The following CD248 variants were observed in gnomAD, a reference collection of about 807,000 sequenced individuals.
CD248 encodes CD248 molecule.
CD248 carries 7 observed loss-of-function variants against 8.0 expected under a neutral mutation model. The observed-to-expected ratio is 0.88, with a 90% CI of 0.50 to 1.64. The LOEUF is 1.64. Among genes scored for constraint, CD248 ranks in the 40% most tolerant of loss-of-function variants. CD248 has a pLI of 0.00. For missense variants in CD248, 912 were observed against 1,027.2 expected, an observed-to-expected ratio of 0.89 and a Z score of 1.53; for synonymous variants, 418 against 437.1, an observed-to-expected ratio of 0.96 and a Z score of 0.54.
At position 66,314,985 on chromosome 11, in the gene CD248, C is replaced by T. The variant is rs775873169; in HGVS notation, c.2043G>A (p.Gln681=). ...CCACCAGCAGCCACCGGTCATCCCTCTGGCTGTGCTCGGCAAGACCAGCCT... is the reference window on the plus strand; with the variant it reads ...CCACCAGCAGCCACCGGTCATCCCTTTGGCTGTGCTCGGCAAGACCAGCCT... ...LGEAGLAEHS[Q]RDDRWLLVAL... Residue 681 remains glutamine (Q), a synonymous_variant, in exon 1 of 1, where the codon CAG becomes CAA. Transcript: ENST00000311330. This position sits in a 1 kb window ranked among gnomAD's most constrained non-coding sequence, Gnocchi z 4.0. The T allele has an allele frequency of 4.3e-6, 7 of 1,612,596 alleles. No individual in the cohort carries two copies. The South Asian group carries it at 6.6e-5, about 15-fold the overall frequency.
At position 66,316,886 on chromosome 11, in the gene CD248, A is replaced by G; in HGVS notation, c.142T>C (p.Trp48Arg). The G allele has an allele frequency of 6.4e-7, 1 of 1,551,916 alleles. No individual in the cohort carries two copies. Among genetic ancestry groups the G allele is most frequent in the East Asian group, 2.3e-5 (1 of 42,728 alleles). Residue 48 changes from tryptophan (W) to arginine (R), a missense_variant, in exon 1 of 1, where the codon TGG becomes CGG. By Grantham distance (101) the Trp-to-Arg change is moderately radical (BLOSUM62 -3). This residue lies in a region of CD248 where 403 missense variants were observed against 446.2 expected (regional missense o/e 0.90). Transcript: ENST00000311330. ...CCCCCCAGCTCGCGGCAGGCCCGCC[A>G]GGCCTCCAGGAAGGTGCGGCGCCGT... ...FPRRRTFLEA[W>R]RACRELGGDL... is the part of the protein sequence containing the mutation.
chr11:66,315,288 G>A lies in CD248; in HGVS notation c.1740C>T (p.Thr580=). 2 of 1,544,314 alleles carry A rather than the reference G, an allele frequency of 1.3e-6. No homozygotes were observed. The highest frequency in any genetic ancestry group is 1.2e-5 in the South Asian group (1 of 80,054). The change falls in exon 1 of 1, where the codon ACC becomes ACT. Residue 580 remains threonine, a synonymous_variant. Transcript: ENST00000311330. The surrounding 1 kb of genome is among the most constrained non-coding windows in gnomAD (Gnocchi z 4.3). ...GGGCAGTTGGGATAATGGGAAGCTG[G>A]GTGGCCTGGGTTCTGAGGACAAGGG... ...PDALVLRTQA[T]QLPIIPTAQP... is the part of the protein sequence containing the mutation.
Position 66,316,866 on chromosome 11 carries a change from C to G in CD248, c.162G>C (p.Leu54=). Residue 54 remains leucine, a synonymous_variant, in exon 1 of 1, where the codon CTG becomes CTC. Coordinates refer to ENST00000311330, the MANE Select transcript of CD248 (RefSeq NM_020404.3). ...TCCGAGGAGTGGCCAGGTCGCCCCC[C>G]AGCTCGCGGCAGGCCCGCCAGGCCT... is the stretch of plus-strand genomic sequence containing the variant. The part of the protein sequence containing the change: ...FLEAWRACRE[L]GGDLATPRTP... The G allele has an allele frequency of 6.5e-7, 1 of 1,546,094 alleles. No homozygotes were observed. The highest frequency in any genetic ancestry group is 8.7e-7 in the Non-Finnish European group (1 of 1,153,888).
chr11:66,315,716 C>T lies in CD248; in HGVS notation c.1312G>A (p.Val438Ile). 6.2e-7 allele frequency: 1 copy of T among 1,611,430 alleles called. No individual in the cohort carries two copies. Among genetic ancestry groups the T allele is most frequent in the Non-Finnish European group, 8.5e-7 (1 of 1,178,354 alleles). Residue 438 changes from valine (V) to isoleucine (I), a missense_variant, in exon 1 of 1, where the codon GTC (valine) becomes ATC (isoleucine). By Grantham distance (29) the Val-to-Ile change is conservative. Transcript: ENST00000311330. This position sits in a 1 kb window ranked among gnomAD's most constrained non-coding sequence, Gnocchi z 4.3. Reference sequence around the variant, plus strand: ...GAGAGCACTGAGGAGTGGTAGGGGACCCTGGGGGCACTGAGCGGGGGTGGC... The same window carrying T: ...GAGAGCACTGAGGAGTGGTAGGGGATCCTGGGGGCACTGAGCGGGGGTGGC... The part of the protein sequence containing the change: ...TWPPPLSAPR[V>I]PYHSSVLSVT...
rs1252823600 is a variant in CD248, at chr11:66,316,741, A to G, written c.287T>C (p.Leu96Pro). 6.2e-7 allele frequency: 1 copy of G among 1,602,596 alleles called. No individual in the cohort carries two copies. Among genetic ancestry groups the G allele is most frequent in the Non-Finnish European group, 8.5e-7 (1 of 1,179,278 alleles). Residue 96 changes from leucine (L) to proline (P), a missense_variant, in exon 1 of 1, where the codon CTG (leucine) becomes CCG (proline). By Grantham distance (98) the Leu-to-Pro change is moderately conservative. This residue lies in a region of CD248 where 403 missense variants were observed against 446.2 expected (regional missense o/e 0.90). Transcript: ENST00000311330. ...GLQRQARQCQ[L>P]QRPLRGFTWT... ...CGTGAAGCCGCGCAGTGGGCGCTGC[A>G]GCTGGCATTGCCGGGCCTGCCGCTG...
rs374676318 is a variant in CD248, at chr11:66,315,869, C to T, written c.1159G>A (p.Gly387Ser). ...ATCCCAGGCATCTCCGTCCAGCCAC[C>T]GTTGAAGGCCTTCCAGGCCTCGTCT... ...DEDEAWKAFNGGWTEMPGILW... is the reference protein window; with the variant it reads ...DEDEAWKAFNSGWTEMPGILW... The change falls in exon 1 of 1, where the codon GGT becomes AGT. Residue 387 changes from glycine (G) to serine (S), a missense_variant. Transcript: ENST00000311330. This position sits in a 1 kb window ranked among gnomAD's most constrained non-coding sequence, Gnocchi z 4.3. 132 of 1,613,846 alleles carry T rather than the reference C, an allele frequency of 8.2e-5. No homozygotes were observed. Among genetic ancestry groups the T allele is most frequent in the Middle Eastern group, 1.6e-4 (1 of 6,084 alleles).
rs1379740685 is a variant in CD248, at chr11:66,316,379, G to T, written c.649C>A (p.Pro217Thr). Residue 217 changes from proline to threonine, a missense_variant, in exon 1 of 1, where the codon CCT becomes ACT. By Grantham distance (38) the Pro-to-Thr change is conservative. Around this residue, in one of 3 missense-constraint regions of CD248, gnomAD observed 403 missense variants for 446.2 expected, o/e 0.90. Coordinates refer to ENST00000311330, the MANE Select transcript of CD248 (RefSeq NM_020404.3). ...RGASLLCVKQ[P>T]EGGVGWSRAG... ...CGTGACCAGCCCACACCTCCCTCAG[G>T]CTGCTTCACGCAGAGCAGAGAGGCT... The T allele has an allele frequency of 6.2e-7, 1 of 1,610,616 alleles. No individual in the cohort carries two copies. Among genetic ancestry groups the T allele is most frequent in the East Asian group, 2.2e-5 (1 of 44,884 alleles).
chr11:66,316,507 G>A lies in CD248; in HGVS notation c.521C>T (p.Ala174Val), dbSNP rs1038970871. The change falls in exon 1 of 1, where the codon GCC (alanine) becomes GTC (valine). Residue 174 changes from alanine (A) to valine (V), a missense_variant. By Grantham distance (64) the Ala-to-Val change is moderately conservative. Coordinates refer to ENST00000311330, the MANE Select transcript of CD248 (RefSeq NM_020404.3). ...CPALQDEAGQAGPAVYTTPFH... is the reference protein window; with the variant it reads ...CPALQDEAGQVGPAVYTTPFH... ...GGGCGTGGTATACACGGCTGGGCCG[G>A]CCTGGCCCGCCTCATCTTGCAGCGC... The A allele has an allele frequency of 3.8e-6, 6 of 1,594,474 alleles. No individual in the cohort carries two copies. Among genetic ancestry groups the A allele is most frequent in the Admixed American group, 1.7e-5 (1 of 59,434 alleles).
rs144600338 is a variant in CD248 at position 66,315,793 on chromosome 11, G to A, written c.1235C>T (p.Pro412Leu). Residue 412 changes from proline to leucine, a missense_variant, in exon 1 of 1, where the codon CCG (proline) becomes CTG (leucine). Around this residue, in one of 3 missense-constraint regions of CD248, gnomAD observed 507 missense variants for 562.2 expected, o/e 0.90. Coordinates refer to ENST00000311330, the MANE Select transcript of CD248 (RefSeq NM_020404.3). The surrounding 1 kb of genome is among the most constrained non-coding windows in gnomAD (Gnocchi z 4.3). The stretch of plus-strand genomic sequence containing the variant: ...TGGCTCTCTGTCCTCTGGGAAGCTC[G>A]GTCTATAGGCCAGGGCAAAGTCAGG... The part of the protein sequence containing the change: ...QPPDFALAYR[P>L]SFPEDREPQI... 43 of 1,613,594 alleles carry A rather than the reference G, an allele frequency of 2.7e-5. 1 individual carries two copies. The highest frequency in any genetic ancestry group is 1.2e-4 in the South Asian group (11 of 91,088).
rs1263084772 is a variant in CD248 at position 66,315,638 on chromosome 11, G to A, written c.1390C>T (p.His464Tyr). The A allele has an allele frequency of 1.9e-6, 3 of 1,613,630 alleles. No homozygotes were observed. The highest frequency in any genetic ancestry group is 1.1e-5 in the South Asian group (1 of 91,036). Reference protein sequence around the residue: ...SATHPTLPSAHQPPVIPATHP... With the variant: ...SATHPTLPSAYQPPVIPATHP... Reference sequence around the variant, plus strand: ...GTGGCAGGGATCACAGGAGGCTGGTGGGCAGAAGGCAGTGTGGGATGCGTG... The same window carrying A: ...GTGGCAGGGATCACAGGAGGCTGGTAGGCAGAAGGCAGTGTGGGATGCGTG... The change falls in exon 1 of 1, where the codon CAC (histidine) becomes TAC (tyrosine). Residue 464 changes from histidine (H) to tyrosine (Y), a missense_variant. Physicochemically the swap from His to Tyr is moderately conservative, Grantham distance 83. Transcript: ENST00000311330. This position sits in a 1 kb window ranked among gnomAD's most constrained non-coding sequence, Gnocchi z 4.3.
Position 66,315,044 on chromosome 11 carries a change from G to T in CD248, c.1984C>A (p.Pro662Thr), listed in dbSNP as rs1340135354. Residue 662 changes from proline (P) to threonine (T), a missense_variant, in exon 1 of 1, where the codon CCA (proline) becomes ACA (threonine). Coordinates refer to ENST00000311330, the MANE Select transcript of CD248 (RefSeq NM_020404.3). This position sits in a 1 kb window ranked among gnomAD's most constrained non-coding sequence, Gnocchi z 4.3. ...SPKLALWLPSPAPTAAPTALG... is the reference protein window; with the variant it reads ...SPKLALWLPSTAPTAAPTALG... ...GCTGTTGGGGCTGCTGTGGGAGCTGGTGAGGGCAGCCACAGGGCCAACTTG... is the reference window on the plus strand; with the variant it reads ...GCTGTTGGGGCTGCTGTGGGAGCTGTTGAGGGCAGCCACAGGGCCAACTTG... 1 of 1,589,166 alleles carries T rather than the reference G, an allele frequency of 6.3e-7. No individual in the cohort carries two copies. Among genetic ancestry groups the T allele is most frequent in the African/African-American group, 1.3e-5 (1 of 74,596 alleles).
Position 66,316,101 on chromosome 11 carries a change from G to A in CD248, c.927C>T (p.Arg309=). ...TCTGGCACTCATCTGTGTCCACACA[G>A]CGGTGCGGATCATCCTCCGCTGGCC... ...GFRPAEDDPH[R]CVDTDECQIA... Residue 309 remains arginine, a synonymous_variant, in exon 1 of 1, where the codon CGC becomes CGT. Transcript: ENST00000311330. 1 of 1,613,590 alleles carries A rather than the reference G, an allele frequency of 6.2e-7. No individual in the cohort carries two copies. The highest frequency in any genetic ancestry group is 8.5e-7 in the Non-Finnish European group (1 of 1,180,034).
Position 66,316,895 on chromosome 11 carries a change from G to T in CD248, c.133C>A (p.Leu45Met). The change falls in exon 1 of 1, where the codon CTG (leucine) becomes ATG (methionine). Residue 45 changes from leucine to methionine, a missense_variant. This residue lies in a region of CD248 where 403 missense variants were observed against 446.2 expected (regional missense o/e 0.90). Transcript: ENST00000311330. ...TCGCGGCAGGCCCGCCAGGCCTCCAGGAAGGTGCGGCGCCGTGGGAAGAGA... is the reference window on the plus strand; with the variant it reads ...TCGCGGCAGGCCCGCCAGGCCTCCATGAAGGTGCGGCGCCGTGGGAAGAGA... ...YALFPRRRTF[L>M]EAWRACRELG... The T allele has an allele frequency of 6.4e-7, 1 of 1,556,558 alleles. No individual in the cohort carries two copies. Among genetic ancestry groups the T allele is most frequent in the Non-Finnish European group, 8.6e-7 (1 of 1,161,120 alleles).
chr11:66,315,982 C>A lies in CD248; in HGVS notation c.1046G>T (p.Ser349Ile). ...ACCCATGGCCCCTGCAGGGCTGCAG[C>A]TGATGCCATCAGCCTCCAGCTCATG... ...EGHELEADGISCSPAGAMGAQ... is the reference protein window; with the variant it reads ...EGHELEADGIICSPAGAMGAQ... Residue 349 changes from serine (S) to isoleucine (I), a missense_variant, in exon 1 of 1, where the codon AGC becomes ATC. This residue lies in a region of CD248 where 507 missense variants were observed against 562.2 expected (regional missense o/e 0.90). Transcript: ENST00000311330. This position sits in a 1 kb window ranked among gnomAD's most constrained non-coding sequence, Gnocchi z 4.3. 6 of 1,613,508 alleles carry A rather than the reference C, an allele frequency of 3.7e-6. No individual in the cohort carries two copies. Among genetic ancestry groups the A allele is most frequent in the Non-Finnish European group, 5.1e-6 (6 of 1,180,026 alleles).
At position 66,315,996 on chromosome 11, in the gene CD248, C is replaced by T; in HGVS notation, c.1032G>A (p.Glu344=). The T allele has an allele frequency of 6.2e-7, 1 of 1,613,602 alleles. No individual in the cohort carries two copies. The highest frequency in any genetic ancestry group is 8.5e-7 in the Non-Finnish European group (1 of 1,180,028). The part of the protein sequence containing the change: ...ECYCSEGHEL[E]ADGISCSPAG... ...CAGGGCTGCAGCTGATGCCATCAGC[C>T]TCCAGCTCATGTCCCTCGCTACAAT... The change falls in exon 1 of 1, where the codon GAG becomes GAA. Residue 344 remains glutamate (E), a synonymous_variant. Coordinates refer to ENST00000311330, the MANE Select transcript of CD248 (RefSeq NM_020404.3). The surrounding 1 kb of genome is among the most constrained non-coding windows in gnomAD (Gnocchi z 4.3).
rs1368715650 is a variant in CD248, at chr11:66,315,125, G to C, written c.1903C>G (p.Pro635Ala). Residue 635 changes from proline to alanine, a missense_variant, in exon 1 of 1, where the codon CCT becomes GCT. Physicochemically the swap from Pro to Ala is conservative, Grantham distance 27. Around this residue, in one of 3 missense-constraint regions of CD248, gnomAD observed 507 missense variants for 562.2 expected, o/e 0.90. Transcript: ENST00000311330. This position sits in a 1 kb window ranked among gnomAD's most constrained non-coding sequence, Gnocchi z 4.3. ...GGGGCTTTGGAATGGGGATGTGTAG[G>C]GCTGATGGGTGAGGTCTGGTTAGTG... The part of the protein sequence containing the change: ...SPTNQTSPIS[P>A]THPHSKAPQI... 1 of 1,545,406 alleles carries C rather than the reference G, an allele frequency of 6.5e-7. No homozygotes were observed. The highest frequency in any genetic ancestry group is 8.7e-7 in the Non-Finnish European group (1 of 1,145,890).
At position 66,316,041 on chromosome 11, in the gene CD248, G is replaced by A. The variant is rs536083548; in HGVS notation, c.987C>T (p.Tyr329=). Residue 329 remains tyrosine, a synonymous_variant, in exon 1 of 1, where the codon TAC becomes TAT. Transcript: ENST00000311330. ...AGVCQQMCVN[Y]VGGFECYCSE... The stretch of plus-strand genomic sequence containing the variant: ...TACAATAACACTCGAAGCCACCAAC[G>A]TAGTTGACACACATCTGCTGGCACA... 37 of 1,613,666 alleles carry A rather than the reference G, an allele frequency of 2.3e-5. No homozygotes were observed. The African/African-American group carries it at 2.7e-4, about 12-fold the overall frequency.
Position 66,315,079 on chromosome 11 carries a change from C to A in CD248, c.1949G>T (p.Gly650Val). 1 of 1,565,328 alleles carries A rather than the reference C, an allele frequency of 6.4e-7. No individual in the cohort carries two copies. Among genetic ancestry groups the A allele is most frequent in the Middle Eastern group, 1.7e-4 (1 of 5,798 alleles). ...SKAPQIPRED[G>V]PSPKLALWLP... ...CCACAGGGCCAACTTGGGACTGGGG[C>A]CATCTTCCCTTGGGATTTGGGGGGC... The change falls in exon 1 of 1, where the codon GGC (glycine) becomes GTC (valine). Residue 650 changes from glycine (G) to valine (V), a missense_variant. Around this residue, in one of 3 missense-constraint regions of CD248, gnomAD observed 507 missense variants for 562.2 expected, o/e 0.90. Coordinates refer to ENST00000311330, the MANE Select transcript of CD248 (RefSeq NM_020404.3). This position sits in a 1 kb window ranked among gnomAD's most constrained non-coding sequence, Gnocchi z 4.3.
Position 66,316,598 on chromosome 11 carries a change from C to G in CD248, c.430G>C (p.Glu144Gln), listed in dbSNP as rs1289095287. Residue 144 changes from glutamate (E) to glutamine (Q), a missense_variant, in exon 1 of 1, where the codon GAG (glutamate) becomes CAG (glutamine). Around this residue, in one of 3 missense-constraint regions of CD248, gnomAD observed 403 missense variants for 446.2 expected, o/e 0.90. Transcript: ENST00000311330. Reference protein sequence around the residue: ...LEASGEHRWLEGSCTLAVDGY... With the variant: ...LEASGEHRWLQGSCTLAVDGY... ...TCGACAGCCAGCGTGCACGAGCCCTCCAGCCAGCGGTGCTCGCCACTTGCC... is the reference window on the plus strand; with the variant it reads ...TCGACAGCCAGCGTGCACGAGCCCTGCAGCCAGCGGTGCTCGCCACTTGCC... 6.2e-7 allele frequency: 1 copy of G among 1,602,038 alleles called. No homozygotes were observed. The highest frequency in any genetic ancestry group is 1.3e-5 in the African/African-American group (1 of 75,038).
Sources: gnomAD v4.1 joint callset for allele counts on GRCh38, gnomAD v4.1.1 for gene constraint, gnomAD v4.1.1 regional missense constraint, Gnocchi (gnomAD v3.1) non-coding constraint, MANE v1.5 for transcripts, NCBI Gene and HGNC (gene_info 2026-07-23, HGNC 2026-07-21) for gene names.